COL6A6: variants seen among roughly 807,000 people sequenced by gnomAD.
COL6A6 encodes collagen alpha-6(VI) chain.
In COL6A6, 183 loss-of-function variants were observed where a neutral mutation model predicts 208.6. That is an observed-to-expected ratio of 0.88 (90% CI 0.78 to 0.99). The LOEUF (loss-of-function observed/expected upper bound fraction) is 0.99, where lower values mean the gene tolerates loss of function less well. COL6A6 is among the 50% of genes least tolerant of loss of function. COL6A6 has a pLI of 0.00. For missense variants in COL6A6, 2,816 were observed against 2,815.2 expected, an observed-to-expected ratio of 1.00 and a Z score of -0.01; for synonymous variants, 973 against 1,011.8, an observed-to-expected ratio of 0.96 and a Z score of 0.73.
chr3:130,617,302 A>G (rs1444252482), intron 23 of COL6A6, among the ~76,000 whole-genome samples: 1 of 152,204 alleles, frequency 6.6e-6, no homozygotes, highest in Non-Finnish European at 1.5e-5. Flanking sequence ...CAAACAAACA[A>G]TTGACATGTG....
At chr3:130,674,790 A>G (rs1559811763) in intron 36 of COL6A6, among the ~76,000 whole-genome samples, 1 of 152,204 alleles carries the variant, frequency 6.6e-6, no homozygotes, top group African/African-American at 2.4e-5. Context: ...CAGGTAAATA[A>G]AAGTTCAGAT....
chr3:130,600,976 C>A (rs567181991), intron 20 of COL6A6, among the ~76,000 whole-genome samples: 2 of 152,008 alleles, frequency 1.3e-5, no homozygotes, highest in African/African-American at 4.8e-5. Context: ...GTTGGGGGTG[C>A]AGTTTTGGTT....
intron 1 of COL6A6, among the ~76,000 whole-genome samples, chr3:130,538,278 G>A (rs2107736615): frequency 6.6e-6 from 1 of 152,260 alleles, no homozygotes; most frequent in Admixed American, 6.5e-5. Context: ...AAAAGACTTG[G>A]AAATCTGCAA....
intron 11 of COL6A6, among the ~76,000 whole-genome samples, chr3:130,587,370 C>T (rs938812473): frequency 6.6e-5 from 10 of 152,130 alleles, no homozygotes; most frequent in Non-Finnish European, 1.5e-5. Context: ...AAGCAATTCT[C>T]CCTGCCTCAG....
At chr3:130,619,665 T>A (rs879590047) in intron 23 of COL6A6, among the ~76,000 whole-genome samples, 1 of 152,076 alleles carries the variant, frequency 6.6e-6, no homozygotes, top group Admixed American at 6.5e-5. Flanking sequence ...TTAGGCAGGA[T>A]GCAAGATGGG....
At position 130,568,216 on chromosome 3, in the gene COL6A6, G is replaced by T; in HGVS notation, c.2013G>T (p.Lys671Asn). 1 of 1,613,986 alleles carries T rather than the reference G, an allele frequency of 6.2e-7. No individual in the cohort carries two copies. Among genetic ancestry groups the T allele is most frequent in the Non-Finnish European group, 8.5e-7 (1 of 1,179,890 alleles). ...TAGTCCAGTTCAGCGACATCAATAA[G>T]GAAGAGTTTCAGCTCAACAGATTCA... ...IGVVQFSDIN[K>N]EEFQLNRFMS... The change falls in exon 6 of 37, where the codon AAG becomes AAT. Residue 671 changes from lysine (K) to asparagine (N), a missense_variant. Physicochemically the swap from Lys to Asn is moderately conservative, Grantham distance 94 (BLOSUM62 0). Coordinates refer to ENST00000358511, the MANE Select transcript of COL6A6 (RefSeq NM_001102608.3).
At chr3:130,587,882 C>T (rs545813278) in intron 11 of COL6A6, among the ~76,000 whole-genome samples, 11 of 152,130 alleles carry the variant, frequency 7.2e-5, no homozygotes, top group Non-Finnish European at 1.0e-4. Flanking sequence ...TTTTTCCTGT[C>T]GACTACTGTT....
Position 130,643,012 on chromosome 3 carries a change from G to A in COL6A6, c.5216G>A (p.Arg1739Gln), listed in dbSNP as rs16830494. The change falls in exon 31 of 37, where the codon CGA becomes CAA. Residue 1739 changes from arginine (R) to glutamine (Q), a missense_variant. Arg to Gln is a conservative substitution (Grantham distance 43). Transcript: ENST00000358511. ...ACATGTGAGCTCATTCAGTATGTGC[G>A]AGACCGCAGTCGTAAGTACCCTGCT... ...FSTCELIQYV[R>Q]DRSPGRHGKP... The A allele has an allele frequency of 0.11, 170,554 of 1,613,290 alleles. 9,939 individuals carry two copies. Among genetic ancestry groups the A allele is most frequent in the East Asian group, 0.18 (8,283 of 44,850 alleles).
chr3:130,610,746 G>C, intron 23 of COL6A6, 35 bp downstream of exon 23: 1 of 1,469,188 alleles, frequency 6.8e-7, no homozygotes, highest in South Asian at 1.2e-5. Flanking sequence ...ATCTGACTTT[G>C]ATCTTGGCTT....
At chr3:130,582,171 C>T (rs1460634417) in intron 10 of COL6A6, 103 bp downstream of exon 10, 1 of 695,172 alleles carries the variant, frequency 1.4e-6, no homozygotes. Context: ...TTGAATAACC[C>T]TGATTTTGAC....
chr3:130,624,390 C>A (rs1197374904), intron 24 of COL6A6, among the ~76,000 whole-genome samples: 1 of 152,054 alleles, frequency 6.6e-6, no homozygotes, highest in East Asian at 1.9e-4. Context: ...ATGATGGAGT[C>A]CAGCAGTTGA....
intron 23 of COL6A6, among the ~76,000 whole-genome samples, chr3:130,611,291 G>A (rs1508518): frequency 0.25 from 38,134 of 152,068 alleles, 5,751 homozygotes; most frequent in African/African-American, 0.41. Context: ...GTTAAAGTGC[G>A]GATTCTGAGT....
intron 15 of COL6A6, 66 bp downstream of exon 15, chr3:130,592,788 T>C: frequency 1.4e-6 from 2 of 1,399,438 alleles, no homozygotes; most frequent in Non-Finnish European, 9.9e-7. Context: ...ATTTTTGAGA[T>C]TATTTATCAG....
intron 24 of COL6A6, among the ~76,000 whole-genome samples, chr3:130,623,555 A>C (rs1018500422): frequency 2.0e-5 from 3 of 151,428 alleles, no homozygotes; most frequent in Admixed American, 6.5e-5. Context: ...TAGGTGACTT[A>C]ACGGGGTGAG....
chr3:130,572,284 A>G (rs1345921624), intron 7 of COL6A6, among the ~76,000 whole-genome samples: 1 of 152,192 alleles, frequency 6.6e-6, no homozygotes, highest in Non-Finnish European at 1.5e-5. Flanking sequence ...GCATTGCTGC[A>G]TGTATGTATG....
intron 1 of COL6A6, among the ~76,000 whole-genome samples, chr3:130,547,126 T>C (rs967141692): frequency 5.3e-5 from 8 of 152,248 alleles, no homozygotes; most frequent in African/African-American, 1.9e-4. Context: ...GCGACGCCCA[T>C]CTGGGAGGTT....
At chr3:130,619,057 C>T (rs1460178435) in intron 23 of COL6A6, among the ~76,000 whole-genome samples, 2 of 152,146 alleles carry the variant, frequency 1.3e-5, no homozygotes, top group African/African-American at 4.8e-5. Context: ...GTTCATCCCT[C>T]TTGAGAATCT....
intron 8 of COL6A6, among the ~76,000 whole-genome samples, chr3:130,580,732 A>T (rs2063398880): frequency 6.6e-6 from 1 of 152,258 alleles, no homozygotes; most frequent in South Asian, 2.1e-4. Context: ...AACTGCCTTT[A>T]GGACACTCAG....
chr3:130,564,895 A>T (rs1053872165), intron 3 of COL6A6, 99 bp from the exon 4 acceptor site: 1 of 1,337,200 alleles, frequency 7.5e-7, no homozygotes, highest in African/African-American at 1.5e-5. Flanking sequence ...CTCTAAGTGC[A>T]TAACTGAGCT....
Sources: allele counts gnomAD v4.1 joint callset (sites outside exome capture counted in the v4.1 genomes callset), GRCh38; gene constraint gnomAD v4.1.1; transcripts MANE v1.5; gene names NCBI Gene and HGNC (gene_info 2026-07-23, HGNC 2026-07-21).